The following XPNPEP3 variants were observed in gnomAD, a reference collection of about 807,000 sequenced individuals.
XPNPEP3 encodes the protein X-prolyl aminopeptidase 3.
A neutral mutation model predicts 60.0 loss-of-function variants in XPNPEP3; 41 were observed. The ratio of observed to expected loss-of-function variants is 0.68; its 90% confidence interval spans 0.53 to 0.89. The LOEUF (loss-of-function observed/expected upper bound fraction) is 0.89, where lower values mean the gene tolerates loss of function less well. Ranked by LOEUF, XPNPEP3 falls within the 40% of genes least tolerant of loss-of-function variation. The pLI is 0.00. For synonymous variants in XPNPEP3, 212 were observed against 223.2 expected (o/e 0.95, Z 0.45); for missense variants, 598 against 638.9 (o/e 0.94, Z 0.69).
chr22:40,862,766 T>G, intron 1 of XPNPEP3: 1 of 985,190 alleles, frequency 1.0e-6, no homozygotes, highest in Non-Finnish European at 1.2e-6. Flanking sequence ...AGTTGTGTGT[T>G]TATGTATTCA....
chr22:40,868,156 T>G (rs567048891), intron 1 of XPNPEP3, among the ~76,000 whole-genome samples: 5 of 152,342 alleles, frequency 3.3e-5, no homozygotes, highest in African/African-American at 1.2e-4. Flanking sequence ...AACTAACATT[T>G]GTTGTACTCT....
rs1337715618 is a variant in XPNPEP3 at position 40,930,775 on chromosome 22, A to G, written c.*4340A>G. Reference sequence around the variant, plus strand: ...GAGACGGGGTTTCACCATCTTGGCCAGGCCAGGCTGGTCTTGATCTCCTGA... The same window carrying G: ...GAGACGGGGTTTCACCATCTTGGCCGGGCCAGGCTGGTCTTGATCTCCTGA... On this transcript the variant is annotated 3_prime_UTR_variant, in exon 10 of 10. Coordinates refer to ENST00000357137, the MANE Select transcript of XPNPEP3 (RefSeq NM_022098.4). 1 of 151,542 alleles carries G rather than the reference A, an allele frequency of 6.6e-6. No homozygotes were observed. The highest frequency in any genetic ancestry group is 1.5e-5 in the Non-Finnish European group (1 of 67,924). The allele number at this position is 151,542 out of a possible 1,614,324, so 9.4% of individuals were successfully genotyped here.
chr22:40,918,608 C>T (rs181028506), intron 7 of XPNPEP3, among the ~76,000 whole-genome samples: 15 of 150,436 alleles, frequency 1.0e-4, no homozygotes, highest in South Asian at 2.1e-4. Context: ...CACTTGAACC[C>T]GGGAGGTGGA....
chr22:40,907,253 C>T (rs1012480459), intron 4 of XPNPEP3: 4 of 432,934 alleles, frequency 9.2e-6, no homozygotes, highest in Admixed American at 8.3e-5. Context: ...AACCCCGACT[C>T]TACTAAAAAT....
intron 7 of XPNPEP3, 40 bp downstream of exon 7, chr22:40,914,364 G>A: frequency 6.5e-7 from 1 of 1,531,556 alleles, no homozygotes; most frequent in African/African-American, 1.4e-5. Flanking sequence ...CTGCTTCTTA[G>A]GAGTATGAGT....
intron 1 of XPNPEP3, among the ~76,000 whole-genome samples, chr22:40,862,958 G>A (rs752835855): frequency 5.3e-5 from 8 of 152,314 alleles, no homozygotes; most frequent in Middle Eastern, 3.4e-3. Context: ...CAATGTGCTG[G>A]GGGCAGAGCG....
chr22:40,862,207 G>T, intron 1 of XPNPEP3: 1 of 1,346,708 alleles, frequency 7.4e-7, no homozygotes. Context: ...GCATTATGGT[G>T]TCATTCTGGG....
Position 40,926,453 on chromosome 22 carries a change from A to T in XPNPEP3, c.*18A>T. On this transcript the variant is annotated 3_prime_UTR_variant, in exon 10 of 10. Transcript: ENST00000357137. ...CTTCTTGACCTTCACTGCGGCCCACATGCACCTCAGGTTCAAAATGGGTGT... is the reference window on the plus strand; with the variant it reads ...CTTCTTGACCTTCACTGCGGCCCACTTGCACCTCAGGTTCAAAATGGGTGT... 1.2e-6 allele frequency: 2 copies of T among 1,613,868 alleles called. No individual in the cohort carries two copies.
At chr22:40,922,774 A>G (rs752161933) in intron 8 of XPNPEP3, among the ~76,000 whole-genome samples, 9 of 152,158 alleles carry the variant, frequency 5.9e-5, no homozygotes, top group Non-Finnish European at 1.3e-4. Context: ...ATACGTAGAT[A>G]TATATACATA....
At chr22:40,862,008 G>GT (rs1239075352) in intron 1 of XPNPEP3, 1 of 1,569,320 alleles carries the variant, frequency 6.4e-7, no homozygotes, top group Admixed American at 1.9e-5. Context: ...TTAACAGATA[G>GT]TTGGAAGTGG....
chr22:40,881,381 G>A (rs1350678162), intron 2 of XPNPEP3, among the ~76,000 whole-genome samples: 1 of 150,576 alleles, frequency 6.6e-6, no homozygotes, highest in African/African-American at 2.4e-5. Flanking sequence ...GCTTGAGCCT[G>A]AGAGGCAGAG....
chr22:40,900,496 C>T (rs759166986), intron 4 of XPNPEP3, among the ~76,000 whole-genome samples: 1 of 151,930 alleles, frequency 6.6e-6, no homozygotes, highest in Non-Finnish European at 1.5e-5. Flanking sequence ...ATCCCAGCTA[C>T]TGGGGAGGCT....
At chr22:40,921,899 CTAG>C (rs1569033043) in intron 7 of XPNPEP3, among the ~76,000 whole-genome samples, 2 of 151,894 alleles carry the variant, frequency 1.3e-5, no homozygotes, top group African/African-American at 4.8e-5. Context: ...TAGTACATTA[CTAG>C]TAGCCCAGAT....
rs2058236814 is a variant in XPNPEP3, at chr22:40,927,023, C to T, written c.*588C>T. 1 of 157,818 alleles carries T rather than the reference C, an allele frequency of 6.3e-6. No homozygotes were observed. Among genetic ancestry groups the T allele is most frequent in the Non-Finnish European group, 1.4e-5 (1 of 71,452 alleles). 9.8% of individuals were successfully genotyped at this position (157,818 alleles called of 1,614,324 possible). A position where few individuals can be genotyped will look rare whatever the true frequency, so the allele number is the denominator to read the frequency against. ...ACTGGTGTCCTGCAGTCTTACTAGT[C>T]AGCCACAGTCCAGGTTCCAGCAACA... is the stretch of plus-strand genomic sequence containing the variant. On this transcript the variant is annotated 3_prime_UTR_variant, in exon 10 of 10. Transcript: ENST00000357137.
chr22:40,901,003 T>G (rs901176572), intron 4 of XPNPEP3, among the ~76,000 whole-genome samples: 1 of 150,602 alleles, frequency 6.6e-6, no homozygotes, highest in Non-Finnish European at 1.5e-5. Context: ...CCTGTAATCC[T>G]TGCATTTTGG....
chr22:40,863,310 A>G (rs2057961465), intron 1 of XPNPEP3, among the ~76,000 whole-genome samples: 1 of 152,232 alleles, frequency 6.6e-6, no homozygotes, highest in Non-Finnish European at 1.5e-5. Context: ...ATAAACTACC[A>G]GTAGTCTAGA....
chr22:40,882,278 A>G (rs1333329857), intron 3 of XPNPEP3, 101 bp downstream of exon 3: 19 of 1,276,988 alleles, frequency 1.5e-5, no homozygotes, highest in Admixed American at 5.6e-5. Flanking sequence ...TAGCACCACC[A>G]TGAAAAGACC....
intron 1 of XPNPEP3, chr22:40,862,505 T>C: frequency 1.0e-6 from 1 of 985,696 alleles, no homozygotes; most frequent in Non-Finnish European, 1.2e-6. Context: ...TTTATTTCAG[T>C]CAAGAAACAG....
At position 40,926,391 on chromosome 22, in the gene XPNPEP3, A is replaced by G. The variant is rs1188472062; in HGVS notation, c.1480A>G (p.Lys494Glu). 1 of 1,614,160 alleles carries G rather than the reference A, an allele frequency of 6.2e-7. No homozygotes were observed. The highest frequency in any genetic ancestry group is 1.7e-5 in the Admixed American group (1 of 60,000). Residue 494 changes from lysine (K) to glutamate (E), a missense_variant, in exon 10 of 10, where the codon AAA (lysine) becomes GAA (glutamate). Coordinates refer to ENST00000357137, the MANE Select transcript of XPNPEP3 (RefSeq NM_022098.4). ...TCTCATCCTTTCTGCAGACTGTCCC[A>G]AAGAGATGAATGACATTGAACAGAT... The part of the protein sequence containing the change: ...SPLILSADCP[K>E]EMNDIEQICS...
Sources: gnomAD v4.1 joint callset for allele counts (sites outside exome capture counted in the v4.1 genomes callset) on GRCh38, gnomAD v4.1.1 for gene constraint, MANE v1.5 for transcripts, NCBI Gene and HGNC (gene_info 2026-07-23, HGNC 2026-07-21) for gene names.